The following HMG20A variants were observed in gnomAD, a reference collection of about 807,000 sequenced individuals.
The protein encoded by HMG20A is high mobility group protein 20A.
HMG20A carries 17 observed loss-of-function variants against 43.9 expected under a neutral mutation model. The ratio of observed to expected loss-of-function variants is 0.39; its 90% CI spans 0.27 to 0.58. The LOEUF (loss-of-function observed/expected upper bound fraction) is 0.58. Ranked by LOEUF, HMG20A falls within the 20% of genes least tolerant of loss-of-function variation. The pLI, the probability that HMG20A is intolerant of heterozygous loss-of-function variation, is 0.59. For synonymous variants in HMG20A, 132 were observed against 147.5 expected (o/e 0.89, Z 0.76); for missense variants, 341 against 438.2 (o/e 0.78, Z 1.98).
At chr15:77,507,412 C>T in the HMG20A span, among the ~76,000 whole-genome samples, 175 of 152,336 alleles carry the variant, frequency 1.1e-3, 1 homozygote, top group African/African-American at 4.1e-3. Flanking sequence ...TGCCTCCCTC[C>T]GCTGTGCCTG....
chr15:77,506,073 C>CAA, the HMG20A span, among the ~76,000 whole-genome samples: 754 of 69,632 alleles, frequency 0.011, 8 homozygotes, highest in African/African-American at 0.029. Context: ...GTAGAGTTAG[C>CAA]AAAAAAAAAA....
chr15:77,519,353 G>A, the HMG20A span, among the ~76,000 whole-genome samples: 3 of 152,310 alleles, frequency 2.0e-5, no homozygotes, highest in Non-Finnish European at 2.9e-5. Flanking sequence ...TACTGCAAAC[G>A]CAGGCCAAGG....
At chr15:77,425,782 G>T (rs928770305) in intron 1 of HMG20A, among the ~76,000 whole-genome samples, 1 of 152,026 alleles carries the variant, frequency 6.6e-6, no homozygotes, top group African/African-American at 2.4e-5. Flanking sequence ...CCACTCCTAG[G>T]TATATATCCA....
At chr15:77,499,498 C>G in the HMG20A span, among the ~76,000 whole-genome samples, 1 of 152,260 alleles carries the variant, frequency 6.6e-6, no homozygotes, top group East Asian at 1.9e-4. Flanking sequence ...ACCCTGCTCC[C>G]AGCCCTCCAC....
chr15:77,465,892 C>T lies in HMG20A; in HGVS notation c.238-1203C>T, dbSNP rs2072752569. 1.3e-5 allele frequency among the ~76,000 whole-genome samples: 2 copies of T among 152,124 alleles called. 1 individual carries two copies. The highest frequency in any genetic ancestry group is 4.1e-4 in the South Asian group (2 of 4,838). ...AATTCTTGTATCCATGAAATATTAACTGATACGGCTGTATTTGTAAAATTA... is the reference window on the plus strand; with the variant it reads ...AATTCTTGTATCCATGAAATATTAATTGATACGGCTGTATTTGTAAAATTA... On this transcript the variant is annotated intron_variant, in intron 3 of 9. Transcript: ENST00000336216.
chr15:77,494,384 A>G, the HMG20A span, among the ~76,000 whole-genome samples: 1 of 152,046 alleles, frequency 6.6e-6, no homozygotes, highest in Admixed American at 6.6e-5. Flanking sequence ...ACCTACCTCA[A>G]CTTCCCAAAG....
chr15:77,441,130 A>G (rs922291655), intron 1 of HMG20A, among the ~76,000 whole-genome samples: 8 of 152,134 alleles, frequency 5.3e-5, no homozygotes, highest in Admixed American at 5.2e-4. Context: ...TATAGTATGT[A>G]CTATTACTCT....
chr15:77,431,858 A>G (rs2073488600), intron 1 of HMG20A, among the ~76,000 whole-genome samples: 1 of 151,964 alleles, frequency 6.6e-6, no homozygotes, highest in South Asian at 2.1e-4. Context: ...CAGGTTTTCT[A>G]GATTCCACAT....
Position 77,420,928 on chromosome 15 carries a change from AG to A in HMG20A, c.-77del. On this transcript the variant is annotated 5_prime_UTR_variant, in exon 1 of 10. Transcript: ENST00000336216. ...AGTGCGTGAAGTGAAGGCGATTGAG[AG>A]GGGCTGAGGGAATTGTCCTCTGTGG... 2.5e-6 allele frequency: 1 copy of A among 398,676 alleles called. No individual in the cohort carries two copies. The highest frequency in any genetic ancestry group is 4.4e-6 in the Non-Finnish European group (1 of 226,106). 24.7% of individuals were successfully genotyped at this position (398,676 alleles called of 1,614,324 possible).
chr15:77,443,382 T>TGATGATGATGATGATG (rs1567394419), intron 1 of HMG20A, among the ~76,000 whole-genome samples: 5 of 104,526 alleles, frequency 4.8e-5, no homozygotes, highest in African/African-American at 1.4e-4. Context: ...TGATGATGAT[T>TGATGATGATGATGATG]ATTATTATTA....
intron 1 of HMG20A, among the ~76,000 whole-genome samples, chr15:77,432,135 G>C (rs2073491555): frequency 6.6e-6 from 1 of 152,054 alleles, no homozygotes; most frequent in Admixed American, 6.5e-5. Flanking sequence ...ATTTCCCTTG[G>C]ATATATTCTC....
chr15:77,502,940 C>T, the HMG20A span, among the ~76,000 whole-genome samples: 1 of 152,082 alleles, frequency 6.6e-6, no homozygotes, highest in South Asian at 2.1e-4. Context: ...GGACTCCAGG[C>T]TAGGCAACAG....
rs1395392004 is a variant in HMG20A, at chr15:77,467,191, C to T, written c.334C>T (p.Arg112Trp). The T allele has an allele frequency of 5.0e-6, 8 of 1,614,056 alleles. No homozygotes were observed. Among genetic ancestry groups the T allele is most frequent in the Non-Finnish European group, 5.9e-6 (7 of 1,179,964 alleles). ...CAAATCCCCCCTTACAGGATATGTT[C>T]GGTTCATGAATGAGCGTCGAGAACA... is the stretch of plus-strand genomic sequence containing the variant. Reference protein sequence around the residue: ...APKSPLTGYVRFMNERREQLR... With the variant: ...APKSPLTGYVWFMNERREQLR... Residue 112 changes from arginine (R) to tryptophan (W), a missense_variant, in exon 4 of 10, where the codon CGG (arginine) becomes TGG (tryptophan). Arg to Trp is a moderately radical substitution (Grantham distance 101, BLOSUM62 -3). Coordinates refer to ENST00000336216, the MANE Select transcript of HMG20A (RefSeq NM_001304504.2).
At position 77,485,376 on chromosome 15, in the gene HMG20A, CTT is replaced by C. The variant is rs1167032721; in HGVS notation, c.*2415_*2416del. On this transcript the variant is annotated 3_prime_UTR_variant, in exon 10 of 10. Transcript: ENST00000336216. The stretch of plus-strand genomic sequence containing the variant: ...GTTGCCTATTCAGTGTTACAGATTT[CTT>C]TGTTTCTTTTTAATTAAAATACAAG... The C allele has an allele frequency of 6.6e-6, 1 of 151,002 alleles. No homozygotes were observed. The highest frequency in any genetic ancestry group is 1.5e-5 in the Non-Finnish European group (1 of 67,986). 9.4% of individuals were successfully genotyped at this position (151,002 alleles called of 1,614,324 possible). A position where few individuals can be genotyped will look rare whatever the true frequency, so the allele number is the denominator to read the frequency against.
chr15:77,467,193 G>T lies in HMG20A; in HGVS notation c.336G>T (p.Arg112=). ...AATCCCCCCTTACAGGATATGTTCGGTTCATGAATGAGCGTCGAGAACAAC... is the reference window on the plus strand; with the variant it reads ...AATCCCCCCTTACAGGATATGTTCGTTTCATGAATGAGCGTCGAGAACAAC... ...APKSPLTGYV[R]FMNERREQLR... The change falls in exon 4 of 10, where the codon CGG becomes CGT. Residue 112 remains arginine, a synonymous_variant. Transcript: ENST00000336216. The T allele has an allele frequency of 1.2e-6, 2 of 1,614,110 alleles. No individual in the cohort carries two copies. Among genetic ancestry groups the T allele is most frequent in the South Asian group, 2.2e-5 (2 of 91,082 alleles).
At chr15:77,470,490 C>A (rs1339999268) in intron 4 of HMG20A, among the ~76,000 whole-genome samples, 1 of 152,104 alleles carries the variant, frequency 6.6e-6, no homozygotes. Context: ...CTGGAGACAG[C>A]AAAACAAAGT....
chr15:77,465,286 GA>G (rs1449264044), intron 3 of HMG20A, among the ~76,000 whole-genome samples: 2 of 112,178 alleles, frequency 1.8e-5, no homozygotes. Flanking sequence ...AAAAAAAAAA[GA>G]AAGAAAAAAA....
chr15:77,462,467 C>A (rs1047363392), intron 2 of HMG20A, among the ~76,000 whole-genome samples: 4 of 152,244 alleles, frequency 2.6e-5, no homozygotes, highest in African/African-American at 9.6e-5. Context: ...TGGGCTAATG[C>A]TTCTCGAGTC....
intron 1 of HMG20A, among the ~76,000 whole-genome samples, chr15:77,439,690 A>C (rs2073590385): frequency 6.6e-6 from 1 of 152,192 alleles, no homozygotes; most frequent in Non-Finnish European, 1.5e-5. Flanking sequence ...AGCTGCTATG[A>C]ACATTCGCAT....
Sources: gnomAD v4.1 joint callset for allele counts (sites outside exome capture counted in the v4.1 genomes callset) on GRCh38, gnomAD v4.1.1 for gene constraint, MANE v1.5 for transcripts, NCBI Gene and HGNC (gene_info 2026-07-23, HGNC 2026-07-21) for gene names.